The following TNRC6B variants were observed in gnomAD, a reference collection of about 807,000 sequenced individuals.
TNRC6B encodes trinucleotide repeat containing adaptor 6B.
TNRC6B carries 52 observed loss-of-function variants against 203.6 expected under a neutral mutation model. The observed-to-expected ratio is 0.26, with a 90% CI of 0.20 to 0.32. The LOEUF (loss-of-function observed/expected upper bound fraction) is 0.32, where lower values mean the gene tolerates loss of function less well. TNRC6B is among the 10% of genes least tolerant of loss of function. The pLI is 1.00. For synonymous variants in TNRC6B, 838 were observed against 845.7 expected (o/e 0.99, Z 0.16); for missense variants, 1,923 against 2,286.2 (o/e 0.84, Z 3.24).
chr22:40,122,157 C>G (rs922021996), intron 2 of TNRC6B, among the ~76,000 whole-genome samples: 1 of 152,190 alleles, frequency 6.6e-6, no homozygotes, highest in African/African-American at 2.4e-5. Flanking sequence ...TGACTGGGCT[C>G]TCTATATTTT....
intron 3 of TNRC6B, among the ~76,000 whole-genome samples, chr22:40,135,378 CGGG>C (rs2068591201): frequency 6.6e-6 from 1 of 152,094 alleles, no homozygotes; most frequent in South Asian, 2.1e-4. Context: ...GCCAGGGAGA[CGGG>C]GGCATGGCAG....
At chr22:40,171,002 C>T (rs916095982) in intron 4 of TNRC6B, among the ~76,000 whole-genome samples, 1 of 142,744 alleles carries the variant, frequency 7.0e-6, no homozygotes, top group Admixed American at 7.1e-5. Flanking sequence ...TATATATATA[C>T]ACATATACCT....
intron 1 of TNRC6B, among the ~76,000 whole-genome samples, chr22:40,047,591 G>A (rs575286559): frequency 1.5e-4 from 23 of 151,828 alleles, no homozygotes; most frequent in Non-Finnish European, 2.2e-4. Context: ...CAACAAGAGC[G>A]AAATTCAGTC....
At chr22:40,172,238 C>G (rs978463987) in intron 4 of TNRC6B, among the ~76,000 whole-genome samples, 2 of 152,168 alleles carry the variant, frequency 1.3e-5, no homozygotes, top group Non-Finnish European at 2.9e-5. Context: ...CTTCCCTGTG[C>G]ACCTTATCTA....
chr22:40,303,726 A>G (rs1381996958), intron 15 of TNRC6B, among the ~76,000 whole-genome samples: 1 of 152,086 alleles, frequency 6.6e-6, no homozygotes, highest in Non-Finnish European at 1.5e-5. Context: ...AGCCTCCAAC[A>G]TGGTGAAACC....
rs1394939307 is a variant in TNRC6B at position 40,132,962 on chromosome 22, A to T, written c.45+7100A>T. Among the ~76,000 whole-genome samples the T allele has an allele frequency of 3.7e-4, 44 of 118,864 alleles. 4 individuals carry two copies. Among genetic ancestry groups the T allele is most frequent in the African/African-American group, 8.0e-4 (26 of 32,462 alleles). The allele number at this position is 118,864 out of a possible 152,430, so 78.0% of individuals were successfully genotyped here. A position where few individuals can be genotyped will look rare whatever the true frequency, so the allele number is the denominator to read the frequency against. ...CTGTCTCAAAAAAAAAAAAAAAAAAAAAAAAAAATATATATATATATATAT... is the reference window on the plus strand; with the variant it reads ...CTGTCTCAAAAAAAAAAAAAAAAAATAAAAAAAATATATATATATATATAT... On this transcript the variant is annotated intron_variant, in intron 3 of 23. Transcript: ENST00000301923.
chr22:40,135,743 C>G (rs1005387400), intron 3 of TNRC6B, among the ~76,000 whole-genome samples: 4 of 152,148 alleles, frequency 2.6e-5, no homozygotes, highest in Non-Finnish European at 5.9e-5. Flanking sequence ...CTCAAGTGAT[C>G]CTCCTGCCTC....
chr22:40,304,913 A>G (rs2146554551), intron 15 of TNRC6B, among the ~76,000 whole-genome samples: 1 of 152,338 alleles, frequency 6.6e-6, no homozygotes, highest in South Asian at 2.1e-4. Flanking sequence ...CGGACTTAGA[A>G]CAGTTGTGTT....
intron 1 of TNRC6B, among the ~76,000 whole-genome samples, chr22:40,219,175 C>A (rs954465307): frequency 6.6e-6 from 1 of 152,190 alleles, no homozygotes; most frequent in Non-Finnish European, 1.5e-5. Context: ...CGGGCTGAGC[C>A]CCTTGAAGAC....
intron 1 of TNRC6B, among the ~76,000 whole-genome samples, chr22:40,207,499 C>T (rs1038670517): frequency 6.7e-6 from 1 of 149,062 alleles, no homozygotes; most frequent in Admixed American, 6.7e-5. Context: ...TTCATTATAT[C>T]ATGATAAGAA....
At chr22:40,233,844 A>G (rs1305678102) in intron 1 of TNRC6B, among the ~76,000 whole-genome samples, 3 of 152,098 alleles carry the variant, frequency 2.0e-5, no homozygotes, top group African/African-American at 7.2e-5. Flanking sequence ...AGTGGATGCC[A>G]CCCTTGGATG....
intron 1 of TNRC6B, among the ~76,000 whole-genome samples, chr22:40,195,404 C>A (rs1436943693): frequency 6.6e-6 from 1 of 152,230 alleles, no homozygotes; most frequent in African/African-American, 2.4e-5. Flanking sequence ...CTGCTGGGAC[C>A]TTTCCAGCTC....
At chr22:40,132,967 A>ATATATAT (rs1263879588) in intron 3 of TNRC6B, among the ~76,000 whole-genome samples, 1,236 of 66,292 alleles carry the variant, frequency 0.019, 45 homozygotes, top group South Asian at 0.029. Flanking sequence ...AAAAAAAAAA[A>ATATATAT]AAATATATAT....
intron 7 of TNRC6B, among the ~76,000 whole-genome samples, chr22:40,274,796 A>G (rs1029288775): frequency 1.3e-5 from 2 of 152,158 alleles, no homozygotes; most frequent in African/African-American, 2.4e-5. Context: ...GAAAGTCCTC[A>G]TCACAGTTTG....
chr22:40,188,495 TG>T (rs2069233615), intron 1 of TNRC6B, among the ~76,000 whole-genome samples: 1 of 152,196 alleles, frequency 6.6e-6, no homozygotes, highest in African/African-American at 2.4e-5. Context: ...GACTGTATAG[TG>T]GTGAGCAGAA....
intron 1 of TNRC6B, among the ~76,000 whole-genome samples, chr22:40,199,040 A>G (rs1795004953): frequency 1.3e-5 from 2 of 152,128 alleles, no homozygotes; most frequent in Non-Finnish European, 2.9e-5. Context: ...TAGAAAGCAA[A>G]GAAGTCTTCA....
At chr22:40,246,167 T>G in intron 2 of TNRC6B, 65 bp downstream of exon 2, 2 of 1,271,806 alleles carry the variant, frequency 1.6e-6, no homozygotes, top group Non-Finnish European at 2.2e-6. Context: ...AACAAGAAAC[T>G]GTCTTGGCTT....
At chr22:40,145,446 T>C (rs1455564594) in intron 3 of TNRC6B, among the ~76,000 whole-genome samples, 1 of 152,222 alleles carries the variant, frequency 6.6e-6, no homozygotes, top group Non-Finnish European at 1.5e-5. Context: ...TCAAAAAATA[T>C]ATACATTTTC....
At position 40,187,534 on chromosome 22, in the gene TNRC6B, G is replaced by A. The variant is rs77664444; in HGVS notation, c.5+9394G>A. ...CAGATCCAGCAGGAGGGGTGGGAGC[G>A]TTCCTGTTACTGTTTGTGAGTTTCT... On this transcript the variant is annotated intron_variant, in intron 1 of 22. Transcript: ENST00000454349. Among the ~76,000 whole-genome samples the A allele has an allele frequency of 2.9e-3, 439 of 152,230 alleles. 1 individual carries two copies. The highest frequency in any genetic ancestry group is 9.2e-3 in the African/African-American group (383 of 41,518).
Sources: gnomAD v4.1 joint callset for allele counts (sites outside exome capture counted in the v4.1 genomes callset) on GRCh38, gnomAD v4.1.1 for gene constraint, MANE v1.5 for transcripts, NCBI Gene and HGNC (gene_info 2026-07-23, HGNC 2026-07-21) for gene names.